RRM1: variants seen among roughly 807,000 people sequenced by gnomAD.
The protein encoded by RRM1 is ribonucleoside-diphosphate reductase large subunit.
In RRM1, 19 loss-of-function variants were observed where a neutral mutation model predicts 101.5. The observed-to-expected ratio is 0.19, with a 90% CI of 0.13 to 0.27. RRM1 has a LOEUF of 0.27. Among genes scored for constraint, RRM1 ranks in the 10% least tolerant of loss-of-function variants. The pLI, the probability that RRM1 is intolerant of heterozygous loss-of-function variation, is 1.00. For missense variants in RRM1, 500 were observed against 962.9 expected, an observed-to-expected ratio of 0.52 and a Z score of 6.36; for synonymous variants, 298 against 323.4, an observed-to-expected ratio of 0.92 and a Z score of 0.84.
intron 2 of RRM1, among the ~76,000 whole-genome samples, chr11:4,105,370 A>G (rs1590713852): frequency 6.6e-6 from 1 of 151,698 alleles, no homozygotes; most frequent in East Asian, 1.9e-4. Context: ...AGCTGCAACC[A>G]CAGTCACTTA....
chr11:4,128,979 G>A, intron 14 of RRM1, 95 bp from the exon 15 acceptor site: 1 of 658,502 alleles, frequency 1.5e-6, no homozygotes, highest in Non-Finnish European at 2.6e-6. Flanking sequence ...TTGTTGGGAT[G>A]TGGGGACATG....
Position 4,126,831 on chromosome 11 carries a change from G to A in RRM1, c.1468G>A (p.Glu490Lys), listed in dbSNP as rs1325261460. ...TGATATAAACTACTATCCTGTACCA[G>A]AGGTATGAATAGATTTCTCTGCTTA... The part of the protein sequence containing the change: ...IIDINYYPVP[E>K]ACLSNKRHRP... The change falls in exon 13 of 19, where the codon GAG (glutamate) becomes AAG (lysine). Residue 490 changes from glutamate to lysine, a missense_variant and splice_region_variant. By Grantham distance (56) the Glu-to-Lys change is moderately conservative. This residue lies in a region of RRM1 where 106 missense variants were observed against 138.1 expected (regional missense o/e 0.77). Transcript: ENST00000300738. 6.2e-7 allele frequency: 1 copy of A among 1,607,180 alleles called. No homozygotes were observed. Among genetic ancestry groups the A allele is most frequent in the Non-Finnish European group, 8.5e-7 (1 of 1,176,056 alleles).
chr11:4,121,868 T>A (rs1334742713), intron 10 of RRM1, 103 bp downstream of exon 10: 1 of 1,113,350 alleles, frequency 9.0e-7, no homozygotes, highest in African/African-American at 1.6e-5. Context: ...ATGTGTGTGA[T>A]GCCACAGAAG....
At chr11:4,133,938 T>TTAAATG in intron 17 of RRM1, among the ~76,000 whole-genome samples, 1 of 151,820 alleles carries the variant, frequency 6.6e-6, no homozygotes, top group East Asian at 1.9e-4. Context: ...TTAGGTTGCA[T>TTAAATG]TCCTTACCAA....
At chr11:4,128,922 A>C (rs940651938) in intron 14 of RRM1, 152 bp from the exon 15 acceptor site, 1 of 452,810 alleles carries the variant, frequency 2.2e-6, no homozygotes, top group African/African-American at 2.0e-5. Flanking sequence ...GTCCAGGAAA[A>C]TCTCTGGAGC....
intron 2 of RRM1, among the ~76,000 whole-genome samples, chr11:4,102,416 G>C (rs1212387558): frequency 2.6e-5 from 4 of 152,174 alleles, no homozygotes; most frequent in African/African-American, 7.2e-5. Context: ...CCAGCACTTT[G>C]GGAGGCTGAG....
rs1236297060 is a variant in RRM1, at chr11:4,115,928, T to C, written c.651-2392T>C. The C allele has an allele frequency of 2.0e-5, 3 of 152,004 alleles. No homozygotes were observed. In the East Asian group the frequency reaches 5.8e-4, roughly 29 times the overall value. The allele number at this position is 152,004 out of a possible 1,614,324, so 9.4% of individuals were successfully genotyped here. On this transcript the variant is annotated intron_variant, in intron 7 of 18. Coordinates refer to ENST00000300738, the MANE Select transcript of RRM1 (RefSeq NM_001033.5). ...GAGCAAAACACCATAGAGCAAAACATTGGAAAAATTGACTACAATTAAAAA... is the reference window on the plus strand; with the variant it reads ...GAGCAAAACACCATAGAGCAAAACACTGGAAAAATTGACTACAATTAAAAA...
chr11:4,107,751 G>C (rs1429061108), intron 4 of RRM1, among the ~76,000 whole-genome samples: 1 of 152,020 alleles, frequency 6.6e-6, no homozygotes, highest in Non-Finnish European at 1.5e-5. Context: ...ATGTGTATGT[G>C]TGTACATACA....
At chr11:4,120,163 C>T (rs2094579456) in intron 9 of RRM1, among the ~76,000 whole-genome samples, 1 of 152,040 alleles carries the variant, frequency 6.6e-6, no homozygotes, top group Non-Finnish European at 1.5e-5. Flanking sequence ...AGAACATTTC[C>T]ATTACCCCAA....
chr11:4,101,932 T>C (rs995567360), intron 1 of RRM1, 61 bp from the exon 2 acceptor site: 1 of 861,804 alleles, frequency 1.2e-6, no homozygotes, highest in Non-Finnish European at 2.0e-6. Flanking sequence ...TTCTTTGACA[T>C]TGTAGTCTTA....
Position 4,123,395 on chromosome 11 carries a change from A to G in RRM1, c.1320+11A>G. On this transcript the variant is annotated intron_variant, in intron 12 of 18. Coordinates refer to ENST00000300738, the MANE Select transcript of RRM1 (RefSeq NM_001033.5). ...ACCAGCAAAGATGAGGTAGGTAGAA[A>G]AAATTCTTCCTAGAGTACTAAGAAG... 6.2e-7 allele frequency: 1 copy of G among 1,609,210 alleles called. No individual in the cohort carries two copies. The highest frequency in any genetic ancestry group is 1.1e-5 in the South Asian group (1 of 90,996).
intron 2 of RRM1, among the ~76,000 whole-genome samples, chr11:4,103,952 A>G (rs866236540): frequency 1.3e-5 from 2 of 150,350 alleles, no homozygotes; most frequent in African/African-American, 4.9e-5. Flanking sequence ...TCTACAAAAA[A>G]AAAAAAAAAA....
Position 4,123,366 on chromosome 11 carries a change from G to A in RRM1, c.1302G>A (p.Glu434=). ...KCSNLCTEIV[E]YTSKDEVAVC... is the part of the protein sequence containing the mutation. ...GCAACCTGTGCACAGAAATAGTGGA[G>A]TACACCAGCAAAGATGAGGTAGGTA... is the stretch of plus-strand genomic sequence containing the variant. The change falls in exon 12 of 19, where the codon GAG becomes GAA. Residue 434 remains glutamate, a synonymous_variant. Coordinates refer to ENST00000300738, the MANE Select transcript of RRM1 (RefSeq NM_001033.5). 6.2e-7 allele frequency: 1 copy of A among 1,614,004 alleles called. No individual in the cohort carries two copies. Among genetic ancestry groups the A allele is most frequent in the Non-Finnish European group, 8.5e-7 (1 of 1,179,924 alleles).
intron 12 of RRM1, among the ~76,000 whole-genome samples, chr11:4,126,094 G>A (rs188944437): frequency 2.3e-4 from 35 of 152,328 alleles, no homozygotes; most frequent in African/African-American, 8.2e-4. Flanking sequence ...TCACTGCCTC[G>A]TGTAGTGGAG....
chr11:4,101,220 G>T (rs1006994603), intron 1 of RRM1, among the ~76,000 whole-genome samples: 10 of 152,094 alleles, frequency 6.6e-5, no homozygotes, highest in African/African-American at 2.2e-4. Context: ...TAGCAAGAAG[G>T]CCAAGTTGTC....
At chr11:4,121,112 A>G (rs1374985715) in intron 9 of RRM1, among the ~76,000 whole-genome samples, 1 of 152,238 alleles carries the variant, frequency 6.6e-6, no homozygotes, top group African/African-American at 2.4e-5. Context: ...TATTTTATCA[A>G]CAGGATGGTT....
chr11:4,131,993 A>G (rs1221757677), intron 15 of RRM1, among the ~76,000 whole-genome samples: 2 of 152,224 alleles, frequency 1.3e-5, no homozygotes, highest in Admixed American at 6.5e-5. Flanking sequence ...TGAGTGCCAC[A>G]GTCCAAGTGG....
intron 9 of RRM1, 32 bp downstream of exon 9, chr11:4,119,960 C>A (rs1479159582): frequency 9.9e-6 from 13 of 1,308,634 alleles, no homozygotes; most frequent in Non-Finnish European, 1.4e-5. Context: ...TACTGGAAAT[C>A]AGAACTAAAG....
chr11:4,127,172 T>C lies in RRM1; in HGVS notation c.1608T>C (p.Tyr536=), dbSNP rs759192086. ...LLNKQIFETI[Y]YGALEASCDL... is the part of the protein sequence containing the mutation. ...ATAAGCAGATCTTTGAAACTATTTATTATGGTGCTCTGGAAGCCAGCTGTG... is the reference window on the plus strand; with the variant it reads ...ATAAGCAGATCTTTGAAACTATTTACTATGGTGCTCTGGAAGCCAGCTGTG... The change falls in exon 14 of 19, where the codon TAT becomes TAC. Residue 536 remains tyrosine (Y), a synonymous_variant. Coordinates refer to ENST00000300738, the MANE Select transcript of RRM1 (RefSeq NM_001033.5). The C allele has an allele frequency of 6.2e-6, 10 of 1,613,824 alleles. No homozygotes were observed. The highest frequency in any genetic ancestry group is 8.5e-6 in the Non-Finnish European group (10 of 1,179,946).
Sources: gnomAD v4.1 joint callset for allele counts (sites outside exome capture counted in the v4.1 genomes callset) on GRCh38, gnomAD v4.1.1 for gene constraint, gnomAD v4.1.1 regional missense constraint, MANE v1.5 for transcripts, NCBI Gene and HGNC (gene_info 2026-07-23, HGNC 2026-07-21) for gene names.